The following EVC2 variants were observed in gnomAD, a reference collection of about 807,000 sequenced individuals.
The protein encoded by EVC2 is EvC ciliary complex subunit 2.
In EVC2, 148 loss-of-function variants were observed where a neutral mutation model predicts 149.3. The observed-to-expected ratio is 0.99, with a 90% CI of 0.87 to 1.14. The LOEUF (loss-of-function observed/expected upper bound fraction) is 1.14. Ranked by LOEUF, EVC2 falls within the 50% of genes most tolerant of loss-of-function variation. The probability of loss-of-function intolerance (pLI) is 0.00; values close to 1 mark genes in which losing one functional copy is unlikely to be tolerated. For synonymous variants in EVC2, 776 were observed against 649.9 expected (o/e 1.19, Z -2.95); for missense variants, 1,854 against 1,627.3 (o/e 1.14, Z -2.40).
chr4:5,638,664 T>C (rs1717073452), intron 10 of EVC2, among the ~76,000 whole-genome samples: 1 of 152,066 alleles, frequency 6.6e-6, no homozygotes, highest in South Asian at 2.1e-4. Flanking sequence ...AGAATAAGGG[T>C]CTTTCCACAT....
In EVC2 at chr4:5,636,186, G is replaced by A. The variant is rs578103501; in HGVS notation, c.1471-4154C>T. 7.2e-5 allele frequency among the ~76,000 whole-genome samples: 11 copies of A among 152,180 alleles called. No individual in the cohort carries two copies. The highest frequency in any genetic ancestry group is 1.5e-4 in the Non-Finnish European group (10 of 68,034). On this transcript the variant is annotated intron_variant, in intron 10 of 21. Coordinates refer to ENST00000344408, the MANE Select transcript of EVC2 (RefSeq NM_147127.5). The surrounding 1 kb of genome is among the most constrained non-coding windows in gnomAD (Gnocchi z 4.6). ...GGGTAACGTGCCTACTGGAGGAAAAGAGGGAGGAAATAAACCCCAGCAACC... is the reference window on the plus strand; with the variant it reads ...GGGTAACGTGCCTACTGGAGGAAAAAAGGGAGGAAATAAACCCCAGCAACC...
intron 17 of EVC2, among the ~76,000 whole-genome samples, chr4:5,581,199 T>G (rs950696575): frequency 3.3e-5 from 5 of 152,170 alleles, no homozygotes; most frequent in Non-Finnish European, 5.9e-5. Flanking sequence ...TACAGAAAAT[T>G]GGTACTGAGG....
chr4:5,555,428 G>C (rs892344844), intron 21 of EVC2, among the ~76,000 whole-genome samples: 1 of 152,102 alleles, frequency 6.6e-6, no homozygotes, highest in African/African-American at 2.4e-5. Context: ...TATAAAAACA[G>C]AGACAAGTTA....
chr4:5,584,482 T>C (rs1485572389), intron 17 of EVC2, 141 bp downstream of exon 17: 1 of 838,914 alleles, frequency 1.2e-6, no homozygotes, highest in African/African-American at 1.7e-5. Context: ...CTCTCCAATA[T>C]GTCACTTCGT....
rs546009991 is a variant in EVC2 at position 5,622,866 on chromosome 4, C to T, written c.2172G>A (p.Leu724=). Reference sequence around the variant, plus strand: ...GGGCGGCCTGGTCCAGACGCTCCTGCAGCTCCTCCAGGGTGGCACCGTGCT... The same window carrying T: ...GGGCGGCCTGGTCCAGACGCTCCTGTAGCTCCTCCAGGGTGGCACCGTGCT... ...MEEHGATLEE[L]QERLDQAALD... is the part of the protein sequence containing the mutation. The change falls in exon 14 of 22, where the codon CTG becomes CTA. Residue 724 remains leucine, a synonymous_variant. Transcript: ENST00000344408. This position sits in a 1 kb window ranked among gnomAD's most constrained non-coding sequence, Gnocchi z 5.8. The T allele has an allele frequency of 1.2e-6, 2 of 1,614,176 alleles. No individual in the cohort carries two copies. The highest frequency in any genetic ancestry group is 1.1e-5 in the South Asian group (1 of 91,076).
At chr4:5,624,210 G>C (rs1022292325) in intron 13 of EVC2, among the ~76,000 whole-genome samples, 3 of 152,178 alleles carry the variant, frequency 2.0e-5, no homozygotes, top group African/African-American at 7.2e-5. Flanking sequence ...GATGCATAAA[G>C]ATGTCCATTA....
At chr4:5,650,310 A>T (rs1164673157) in intron 9 of EVC2, among the ~76,000 whole-genome samples, 1 of 152,040 alleles carries the variant, frequency 6.6e-6, no homozygotes, top group Non-Finnish European at 1.5e-5. Context: ...CTCTGCCTCA[A>T]ATCCTCCCTG....
intron 6 of EVC2, among the ~76,000 whole-genome samples, chr4:5,682,477 T>G (rs1291647766): frequency 6.8e-6 from 1 of 146,852 alleles, no homozygotes; most frequent in Non-Finnish European, 1.5e-5. Context: ...GTGACAAGAG[T>G]GAAATGCTGT....
At chr4:5,591,344 G>A (rs1000761701) in intron 16 of EVC2, among the ~76,000 whole-genome samples, 3 of 152,132 alleles carry the variant, frequency 2.0e-5, no homozygotes, top group Middle Eastern at 3.2e-3. Flanking sequence ...AGAAATAAAG[G>A]TCTCCTTCCC....
chr4:5,634,814 A>G (rs1025523814), intron 10 of EVC2, among the ~76,000 whole-genome samples: 2 of 152,036 alleles, frequency 1.3e-5, no homozygotes, highest in Non-Finnish European at 2.9e-5. Context: ...TTTCCAAATG[A>G]GTGAGGCTGC....
chr4:5,597,287 T>C (rs1713526821), intron 16 of EVC2, among the ~76,000 whole-genome samples: 1 of 152,278 alleles, frequency 6.6e-6, no homozygotes, highest in Non-Finnish European at 1.5e-5. Context: ...TAGACCAATA[T>C]CCTTGATGAA....
intron 16 of EVC2, among the ~76,000 whole-genome samples, chr4:5,593,621 T>A (rs1306611876): frequency 6.6e-6 from 1 of 152,228 alleles, no homozygotes. Context: ...AGCTCCGGTC[T>A]ACAGCTCCCA....
intron 10 of EVC2, among the ~76,000 whole-genome samples, chr4:5,634,122 G>T (rs1032370506): frequency 6.6e-6 from 1 of 152,222 alleles, no homozygotes; most frequent in Non-Finnish European, 1.5e-5. Flanking sequence ...CATCCTCTTG[G>T]CAACTCTGTC....
At position 5,584,686 on chromosome 4, in the gene EVC2, C is replaced by T. The variant is rs769447158; in HGVS notation, c.2994G>A (p.Glu998=). ...LLSIQDLLLE[E]LSASEMLTKS... is the part of the protein sequence containing the mutation. Reference sequence around the variant, plus strand: ...TGGTCAGCATCTCAGATGCACTCAGCTCTTCCAGGAGCAAGTCCTGGATGC... The same window carrying T: ...TGGTCAGCATCTCAGATGCACTCAGTTCTTCCAGGAGCAAGTCCTGGATGC... Residue 998 remains glutamate, a synonymous_variant, in exon 17 of 22, where the codon GAG becomes GAA. Coordinates refer to ENST00000344408, the MANE Select transcript of EVC2 (RefSeq NM_147127.5). 10 of 1,614,036 alleles carry T rather than the reference C, an allele frequency of 6.2e-6. No homozygotes were observed. The African/African-American group carries it at 9.3e-5, about 15-fold the overall frequency.
chr4:5,654,656 G>A (rs966395545), intron 9 of EVC2, among the ~76,000 whole-genome samples: 2 of 152,188 alleles, frequency 1.3e-5, no homozygotes, highest in Admixed American at 6.5e-5. Flanking sequence ...CTGGAGTGAG[G>A]AGAATCCTAT....
At chr4:5,529,358 G>A in the EVC2 span, among the ~76,000 whole-genome samples, 2 of 152,164 alleles carry the variant, frequency 1.3e-5, no homozygotes, top group Admixed American at 1.3e-4. The surrounding 1 kb of genome is among the most constrained non-coding windows in gnomAD (Gnocchi z 4.5). Flanking sequence ...AGAAATAGGT[G>A]CTATATTTAC....
chr4:5,624,403 A>C (rs900988085), intron 13 of EVC2, among the ~76,000 whole-genome samples: 2 of 152,222 alleles, frequency 1.3e-5, no homozygotes, highest in East Asian at 3.8e-4. Context: ...ACCCATGTTC[A>C]TGGGTCCTGG....
chr4:5,563,079 C>T lies in EVC2; in HGVS notation c.3696G>A (p.Arg1232=), dbSNP rs150551872. The T allele has an allele frequency of 4.3e-6, 7 of 1,614,110 alleles. No homozygotes were observed. The South Asian group carries it at 6.6e-5, about 15-fold the overall frequency. ...LKKTCLPLRE[R]MIFSGKGSWP... ...AACTTCCTTTTCCAGAGAATATCAT[C>T]CTCTCTCTGAGAGGGAGACATGTCT... Residue 1232 remains arginine (R), a synonymous_variant, in exon 22 of 22, where the codon AGG becomes AGA. Transcript: ENST00000344408.
In EVC2 at chr4:5,563,115, G is replaced by T; in HGVS notation, c.3660C>A (p.Ser1220Arg). ...GAGGGAGACATGTCTTCTTTAATAT[G>T]CTAAAGAAATAGCAAAAGATCAAAT... Reference protein sequence around the residue: ...KMLWARKRKQSILKKTCLPLR... With the variant: ...KMLWARKRKQRILKKTCLPLR... The change falls in exon 22 of 22, where the codon AGC becomes AGA. Residue 1220 changes from serine (S) to arginine (R), a missense_variant and splice_region_variant. By Grantham distance (110) the Ser-to-Arg change is moderately radical. Transcript: ENST00000344408. 1 of 1,612,132 alleles carries T rather than the reference G, an allele frequency of 6.2e-7. No individual in the cohort carries two copies. Among genetic ancestry groups the T allele is most frequent in the Non-Finnish European group, 8.5e-7 (1 of 1,179,074 alleles).
Sources: gnomAD v4.1 joint callset for allele counts (sites outside exome capture counted in the v4.1 genomes callset) on GRCh38, gnomAD v4.1.1 for gene constraint, Gnocchi (gnomAD v3.1) non-coding constraint, MANE v1.5 for transcripts, NCBI Gene and HGNC (gene_info 2026-07-23, HGNC 2026-07-21) for gene names.